ROBO2: variants seen among roughly 807,000 people sequenced by gnomAD.
ROBO2 encodes roundabout homolog 2.
Under a neutral mutation model 160.8 loss-of-function variants are expected in ROBO2, and 53 were observed. The ratio of observed to expected loss-of-function variants is 0.33; its 90% CI spans 0.26 to 0.41. ROBO2 has a LOEUF of 0.41. Ranked by LOEUF, ROBO2 falls within the 10% of genes least tolerant of loss-of-function variation. ROBO2 has a pLI of 1.00. For missense variants in ROBO2, 1,577 were observed against 1,722.4 expected, an observed-to-expected ratio of 0.92 and a Z score of 1.49; for synonymous variants, 664 against 611.7, an observed-to-expected ratio of 1.09 and a Z score of -1.26.
At chr3:76,798,469 A>G (rs913105534) in intron 2 of ROBO2, among the ~76,000 whole-genome samples, 2 of 152,224 alleles carry the variant, frequency 1.3e-5, no homozygotes, top group African/African-American at 2.4e-5. Flanking sequence ...ATAGTTCAAC[A>G]TATGCAAGTC....
chr3:75,960,090 G>T (rs931512571), intron 2 of ROBO2, among the ~76,000 whole-genome samples: 1 of 151,550 alleles, frequency 6.6e-6, no homozygotes, highest in Non-Finnish European at 1.5e-5. Flanking sequence ...CTTTGCTGGG[G>T]TGAGGGGATT....
At chr3:76,595,098 G>C (rs1560204741) in intron 2 of ROBO2, among the ~76,000 whole-genome samples, 1 of 151,866 alleles carries the variant, frequency 6.6e-6, no homozygotes, top group Non-Finnish European at 1.5e-5. Flanking sequence ...CAGAAAGAGT[G>C]TCCACACCAG....
Position 77,180,416 on chromosome 3 carries a change from C to CTCTCTATATATATATATATATA in ROBO2, c.388+82077_388+82078insCTCTATATATATATATATATAT, listed in dbSNP as rs1433740534. Among the ~76,000 whole-genome samples the CTCTCTATATATATATATATATA allele has an allele frequency of 3.2e-3, 286 of 90,638 alleles. 2 individuals are homozygous for CTCTCTATATATATATATATATA. The highest frequency in any genetic ancestry group is 4.7e-3 in the Non-Finnish European group (208 of 43,834). 59.5% of individuals were successfully genotyped at this position (90,638 alleles called of 152,430 possible). ...TCTCTCTCTCTCTCTCTCTCTCTCT[C>CTCTCTATATATATATATATATA]TATATATATATATATGTATTTTTTT... On this transcript the variant is annotated intron_variant, in intron 2 of 25. Coordinates refer to ENST00000461745, the Ensembl canonical transcript of ROBO2.
intron 2 of ROBO2, among the ~76,000 whole-genome samples, chr3:76,979,082 A>G (rs927858537): frequency 1.3e-5 from 2 of 152,098 alleles, no homozygotes; most frequent in Admixed American, 1.3e-4. Context: ...AGCTGGGACT[A>G]CAGGTGTGCA....
At chr3:76,187,609 G>C (rs1701825927) in intron 2 of ROBO2, among the ~76,000 whole-genome samples, 1 of 152,032 alleles carries the variant, frequency 6.6e-6, no homozygotes, top group African/African-American at 2.4e-5. Flanking sequence ...TGTGTTTACT[G>C]TCACCTTTCT....
At chr3:77,050,319 A>G (rs1004600882) in intron 1 of ROBO2, among the ~76,000 whole-genome samples, 2 of 151,714 alleles carry the variant, frequency 1.3e-5, no homozygotes, top group African/African-American at 4.9e-5. Flanking sequence ...CATCTTAAGT[A>G]TATAACCGTT....
chr3:77,543,153 C>G (rs1472594213), intron 6 of ROBO2, among the ~76,000 whole-genome samples: 1 of 151,806 alleles, frequency 6.6e-6, no homozygotes, highest in East Asian at 1.9e-4. Context: ...AGCAGCTTTT[C>G]TCTTTTTTTT....
In ROBO2 at chr3:77,200,882, C is replaced by A. The variant is rs555099938; in HGVS notation, c.388+102542C>A. Among the ~76,000 whole-genome samples, 3 of 152,266 alleles carry A rather than the reference C, an allele frequency of 2.0e-5. No individual in the cohort carries two copies. In the East Asian group the frequency reaches 5.8e-4, roughly 29 times the overall value. ...CCACAGACACCATAGGCCAGGCACA[C>A]CTTTTGCCCACCAAGGCCTCAAATT... On this transcript the variant is annotated intron_variant, in intron 2 of 25. Coordinates refer to ENST00000461745, the Ensembl canonical transcript of ROBO2.
At chr3:76,045,742 G>A (rs2067426592) in intron 2 of ROBO2, among the ~76,000 whole-genome samples, 2 of 151,844 alleles carry the variant, frequency 1.3e-5, no homozygotes, top group Non-Finnish European at 2.9e-5. Context: ...GGTTTATTTT[G>A]GAAAGTATTT....
At chr3:76,553,147 T>A (rs1454357442) in intron 2 of ROBO2, among the ~76,000 whole-genome samples, 1 of 152,084 alleles carries the variant, frequency 6.6e-6, no homozygotes, top group East Asian at 1.9e-4. Context: ...ATTTGGGACA[T>A]CAACATATAA....
At chr3:75,961,845 G>A (rs1262446009) in intron 2 of ROBO2, among the ~76,000 whole-genome samples, 5 of 151,364 alleles carry the variant, frequency 3.3e-5, no homozygotes, top group Non-Finnish European at 5.9e-5. Flanking sequence ...TGTGAATCTT[G>A]AAAGTAGGGA....
At chr3:77,554,004 G>A (rs746782875) in intron 8 of ROBO2, among the ~76,000 whole-genome samples, 1 of 151,934 alleles carries the variant, frequency 6.6e-6, no homozygotes, top group Admixed American at 6.6e-5. Context: ...GACTTTGATG[G>A]CTGAAGAAAA....
chr3:76,339,401 A>G (rs2074080734), intron 2 of ROBO2, among the ~76,000 whole-genome samples: 1 of 152,160 alleles, frequency 6.6e-6, no homozygotes, highest in Non-Finnish European at 1.5e-5. Context: ...ATAAAGCAAT[A>G]AGGTATATAT....
chr3:76,996,683 G>T (rs1332324704), intron 2 of ROBO2, among the ~76,000 whole-genome samples: 1 of 152,020 alleles, frequency 6.6e-6, no homozygotes, highest in African/African-American at 2.4e-5. Context: ...TTCTTTTAAT[G>T]TCCAGTACAT....
At chr3:76,684,613 T>A (rs996172657) in intron 2 of ROBO2, among the ~76,000 whole-genome samples, 1 of 152,120 alleles carries the variant, frequency 6.6e-6, no homozygotes, top group Non-Finnish European at 1.5e-5. Flanking sequence ...TGCATAAAAA[T>A]TCTGTCATAA....
At chr3:75,946,950 T>C (rs551965544) in intron 2 of ROBO2, among the ~76,000 whole-genome samples, 368 of 152,230 alleles carry the variant, frequency 2.4e-3, no homozygotes, top group Non-Finnish European at 4.2e-3. Flanking sequence ...ATCATTTTGC[T>C]GACTATTGCA....
chr3:76,256,329 C>CA (rs1380739158), intron 2 of ROBO2, among the ~76,000 whole-genome samples: 75 of 95,756 alleles, frequency 7.8e-4, no homozygotes, highest in Middle Eastern at 5.7e-3. Flanking sequence ...CTCTCTCTCT[C>CA]TCTCTCTCTC....
intron 2 of ROBO2, among the ~76,000 whole-genome samples, chr3:76,472,344 T>C (rs1280005643): frequency 2.6e-5 from 4 of 152,152 alleles, no homozygotes; most frequent in Non-Finnish European, 5.9e-5. Flanking sequence ...ATTTCACTTA[T>C]ACTAAAAGAA....
chr3:76,280,856 G>A (rs1708193800), intron 2 of ROBO2, among the ~76,000 whole-genome samples: 1 of 151,830 alleles, frequency 6.6e-6, no homozygotes, highest in Admixed American at 6.6e-5. Flanking sequence ...TTAAACAAAT[G>A]CCATTTCCCT....
Sources: allele counts gnomAD v4.1 joint callset (sites outside exome capture counted in the v4.1 genomes callset), GRCh38; gene constraint gnomAD v4.1.1; transcripts MANE v1.5; gene names NCBI Gene and HGNC (gene_info 2026-07-23, HGNC 2026-07-21).